PRKG1: variants seen among roughly 807,000 people sequenced by gnomAD.
The protein encoded by PRKG1 is protein kinase cGMP-dependent 1.
In PRKG1, 35 loss-of-function variants were observed where a neutral mutation model predicts 88.1. The ratio of observed to expected loss-of-function variants is 0.40; its 90% CI spans 0.30 to 0.53. The LOEUF (loss-of-function observed/expected upper bound fraction) is 0.53. PRKG1 is among the 20% of genes least tolerant of loss of function. The pLI, the probability that PRKG1 is intolerant of heterozygous loss-of-function variation, is 0.59. For missense variants in PRKG1, 540 were observed against 839.8 expected (o/e 0.64, Z 4.41); for synonymous variants, 303 against 292.5 (o/e 1.04, Z -0.37).
At chr10:51,120,526 CA>C (rs1414663402) in intron 1 of PRKG1, among the ~76,000 whole-genome samples, 6 of 152,154 alleles carry the variant, frequency 3.9e-5, no homozygotes, top group African/African-American at 1.2e-4. Flanking sequence ...TGTTTTTGAA[CA>C]AAGCTGAAAA....
intron 2 of PRKG1, among the ~76,000 whole-genome samples, chr10:51,282,716 A>G (rs1318262835): frequency 6.6e-6 from 1 of 152,212 alleles, no homozygotes; most frequent in Non-Finnish European, 1.5e-5. Flanking sequence ...TTCACATTTC[A>G]CAAGTTTCAC....
chr10:51,527,638 T>G (rs1841915551), intron 3 of PRKG1, among the ~76,000 whole-genome samples: 2 of 152,210 alleles, frequency 1.3e-5, no homozygotes, highest in Non-Finnish European at 2.9e-5. Context: ...AGAAAAGTGT[T>G]CTAGACGTTA....
chr10:51,083,329 T>G (rs1472855443), intron 1 of PRKG1, among the ~76,000 whole-genome samples: 1 of 152,174 alleles, frequency 6.6e-6, no homozygotes, highest in African/African-American at 2.4e-5. Flanking sequence ...GTTTTTTGTT[T>G]GTTTGTTTTG....
At chr10:51,732,305 C>A (rs1189841235) in intron 3 of PRKG1, among the ~76,000 whole-genome samples, 1 of 152,166 alleles carries the variant, frequency 6.6e-6, no homozygotes, top group Non-Finnish European at 1.5e-5. Context: ...TCAATGACCT[C>A]TTCACAGGCC....
intron 2 of PRKG1, among the ~76,000 whole-genome samples, chr10:51,326,396 A>G (rs1841593552): frequency 6.6e-6 from 1 of 152,352 alleles, no homozygotes; most frequent in Admixed American, 6.5e-5. Context: ...TCCTATGGCT[A>G]TTTAAATTGC....
intron 3 of PRKG1, among the ~76,000 whole-genome samples, chr10:51,658,819 A>C (rs1433082110): frequency 6.6e-6 from 1 of 150,488 alleles, no homozygotes; most frequent in East Asian, 2.0e-4. Flanking sequence ...TAGCAGAAAA[A>C]CTCCCAGTTT....
intron 2 of PRKG1, among the ~76,000 whole-genome samples, chr10:51,452,508 G>A (rs761013170): frequency 1.5e-4 from 23 of 151,776 alleles, no homozygotes; most frequent in Non-Finnish European, 2.2e-4. Flanking sequence ...TAAAGGAATG[G>A]CAGTTCTGTC....
chr10:51,816,065 T>A (rs1359671836), intron 4 of PRKG1, among the ~76,000 whole-genome samples: 2 of 152,200 alleles, frequency 1.3e-5, no homozygotes, highest in African/African-American at 4.8e-5. Context: ...TTTTGACAGC[T>A]CCTTTAAGAA....
At position 51,621,108 on chromosome 10, in the gene PRKG1, G is replaced by T. The variant is rs112838108; in HGVS notation, c.592+153272G>T. Among the ~76,000 whole-genome samples the T allele has an allele frequency of 2.4e-3, 353 of 149,562 alleles. 3 individuals are homozygous for T. Among genetic ancestry groups the T allele is most frequent in the Non-Finnish European group, 3.2e-3 (215 of 67,414 alleles). ...TAAACTGACATATATGTGTGTGTGT[G>T]TATATATATGCTGAAATTCTACCAT... is the stretch of plus-strand genomic sequence containing the variant. On this transcript the variant is annotated intron_variant, in intron 3 of 17. Coordinates refer to ENST00000373980, the MANE Select transcript of PRKG1 (RefSeq NM_006258.4).
chr10:51,745,978 C>G (rs1310368323), intron 3 of PRKG1, among the ~76,000 whole-genome samples: 1 of 152,120 alleles, frequency 6.6e-6, no homozygotes, highest in Non-Finnish European at 1.5e-5. Flanking sequence ...CCAAGTTGCT[C>G]GACTACAGGC....
At chr10:52,160,719 A>G (rs868834905) in intron 8 of PRKG1, among the ~76,000 whole-genome samples, 3 of 152,070 alleles carry the variant, frequency 2.0e-5, no homozygotes, top group African/African-American at 4.8e-5. Context: ...GGACCTGACC[A>G]TGCATAACTT....
chr10:51,282,683 A>T (rs1840331271), intron 2 of PRKG1, among the ~76,000 whole-genome samples: 1 of 152,186 alleles, frequency 6.6e-6, no homozygotes, highest in Non-Finnish European at 1.5e-5. Flanking sequence ...CCTTTTACTA[A>T]ATATTTCCCA....
At chr10:51,429,807 C>T (rs1223990169) in intron 2 of PRKG1, among the ~76,000 whole-genome samples, 1 of 148,584 alleles carries the variant, frequency 6.7e-6, no homozygotes, top group Admixed American at 6.7e-5. Context: ...AAAAAAAAAA[C>T]AGAAGAAGGA....
chr10:51,977,870 G>C (rs1248109588), intron 5 of PRKG1, among the ~76,000 whole-genome samples: 1 of 151,994 alleles, frequency 6.6e-6, no homozygotes, highest in African/African-American at 2.4e-5. Context: ...CTGGATATCA[G>C]ACATTTATCA....
intron 3 of PRKG1, among the ~76,000 whole-genome samples, chr10:51,703,608 C>G (rs1390682179): frequency 6.6e-6 from 1 of 152,004 alleles, no homozygotes; most frequent in Non-Finnish European, 1.5e-5. Context: ...TTCATTCCAT[C>G]AATATTTATT....
intron 3 of PRKG1, among the ~76,000 whole-genome samples, chr10:51,541,068 A>G (rs1254465505): frequency 1.3e-5 from 2 of 151,952 alleles, no homozygotes; most frequent in Admixed American, 6.6e-5. Flanking sequence ...GCAGTCCCCA[A>G]CCTTTTTGGG....
At chr10:51,184,287 TA>T (rs2132030323) in intron 2 of PRKG1, among the ~76,000 whole-genome samples, 1 of 152,346 alleles carries the variant, frequency 6.6e-6, no homozygotes, top group African/African-American at 2.4e-5. Flanking sequence ...AGGAAGCTTT[TA>T]TTTTTTGATG....
chr10:51,747,880 CT>C (rs1484788304), intron 3 of PRKG1, among the ~76,000 whole-genome samples: 2 of 152,054 alleles, frequency 1.3e-5, no homozygotes, highest in African/African-American at 2.4e-5. Flanking sequence ...AGCGAGAATT[CT>C]TTGAATTTTA....
At chr10:51,141,507 A>G (rs1199873490) in intron 1 of PRKG1, among the ~76,000 whole-genome samples, 1 of 152,164 alleles carries the variant, frequency 6.6e-6, no homozygotes, top group African/African-American at 2.4e-5. Flanking sequence ...GTTGTGTTTT[A>G]AAACCGTCAA....
Sources: allele counts gnomAD v4.1 joint callset (sites outside exome capture counted in the v4.1 genomes callset), GRCh38; gene constraint gnomAD v4.1.1; transcripts MANE v1.5; gene names NCBI Gene and HGNC (gene_info 2026-07-23, HGNC 2026-07-21).